The following CLIP1 variants were observed in gnomAD, a reference collection of about 807,000 sequenced individuals.
CLIP1 encodes the protein CAP-Gly domain containing linker protein 1.
CLIP1 carries 66 observed loss-of-function variants against 161.6 expected under a neutral mutation model. That is an observed-to-expected ratio of 0.41 (90% CI 0.33 to 0.50). CLIP1 has a LOEUF of 0.50. Ranked by LOEUF, CLIP1 falls within the 20% of genes least tolerant of loss-of-function variation. The pLI, the probability that CLIP1 is intolerant of heterozygous loss-of-function variation, is 0.27. For missense variants in CLIP1, 1,376 were observed against 1,702.0 expected (o/e 0.81, Z 3.37); for synonymous variants, 598 against 626.2 (o/e 0.96, Z 0.67).
chr12:122,312,421 T>C (rs537783764), intron 19 of CLIP1, among the ~76,000 whole-genome samples: 2 of 152,300 alleles, frequency 1.3e-5, no homozygotes, highest in Non-Finnish European at 2.9e-5. Context: ...TTACAAGTGC[T>C]GGTTTCCAGG....
At position 122,377,662 on chromosome 12, in the gene CLIP1, C is replaced by T; in HGVS notation, c.384G>A (p.Val128=). The T allele has an allele frequency of 6.2e-7, 1 of 1,613,706 alleles. No individual in the cohort carries two copies. Residue 128 remains valine, a synonymous_variant, in exon 3 of 26, where the codon GTG becomes GTA. Coordinates refer to ENST00000620786, the MANE Select transcript of CLIP1 (RefSeq NM_001247997.2). ...GGCCATTAGCTTCATCTTCTGCTTG[C>T]ACCTTCCTTGTTAACTTTGAAGGTC... is the stretch of plus-strand genomic sequence containing the variant. ...FTRPSKLTRK[V]QAEDEANGLQ...
At chr12:122,378,021 A>C in intron 2 of CLIP1, 61 bp from the exon 3 acceptor site, 1 of 1,427,122 alleles carries the variant, frequency 7.0e-7, no homozygotes. Flanking sequence ...CTCTAACTTA[A>C]AGAAAAACTA....
intron 1 of CLIP1, among the ~76,000 whole-genome samples, chr12:122,393,912 C>CAAA (rs71082981): frequency 4.7e-5 from 3 of 63,196 alleles, no homozygotes; most frequent in South Asian, 1.7e-3. Flanking sequence ...ATTCTGTCTC[C>CAAA]AAAAAAAAAA....
intron 1 of CLIP1, among the ~76,000 whole-genome samples, chr12:122,418,937 AAT>A (rs1956845034): frequency 6.6e-6 from 1 of 152,234 alleles, no homozygotes; most frequent in African/African-American, 2.4e-5. Flanking sequence ...CGATTTAGTT[AAT>A]ATATAGACAA....
intron 1 of CLIP1, among the ~76,000 whole-genome samples, chr12:122,383,269 T>G (rs1254077631): frequency 1.3e-5 from 2 of 152,166 alleles, no homozygotes; most frequent in African/African-American, 4.8e-5. Flanking sequence ...AAAATGCTCC[T>G]TAAATTATTT....
At chr12:122,340,116 C>G (rs1246426757) in intron 11 of CLIP1, among the ~76,000 whole-genome samples, 1 of 148,886 alleles carries the variant, frequency 6.7e-6, no homozygotes, top group Non-Finnish European at 1.5e-5. Context: ...CTTGCTCTGT[C>G]TCCCAGGCTG....
At chr12:122,326,103 T>C (rs796838641) in intron 17 of CLIP1, among the ~76,000 whole-genome samples, 4 of 152,318 alleles carry the variant, frequency 2.6e-5, no homozygotes, top group African/African-American at 7.2e-5. Flanking sequence ...CCTGAAAAAA[T>C]ATCTGTAGAT....
rs1181589138 is a variant in CLIP1, at chr12:122,378,412, G to C, written c.86-452C>G. 2.6e-5 allele frequency among the ~76,000 whole-genome samples: 4 copies of C among 152,226 alleles called. No homozygotes were observed. In the South Asian group the frequency reaches 6.2e-4, roughly 24 times the overall value. On this transcript the variant is annotated intron_variant, in intron 2 of 25. Coordinates refer to ENST00000620786, the MANE Select transcript of CLIP1 (RefSeq NM_001247997.2). ...AAAGTGTTTTTGTTTGTTTTGTGCT[G>C]TTTTGTTTTAAACAAGGAAGCCAAG...
chr12:122,288,964 C>A (rs111713377), intron 20 of CLIP1, among the ~76,000 whole-genome samples: 2 of 151,074 alleles, frequency 1.3e-5, no homozygotes, highest in African/African-American at 4.8e-5. Context: ...TACAGGCGCC[C>A]GCCACAACGC....
chr12:122,309,953 T>C (rs1951006834), intron 19 of CLIP1, 71 bp from the exon 20 acceptor site: 6 of 1,563,678 alleles, frequency 3.8e-6, no homozygotes, highest in South Asian at 3.4e-5. Context: ...GACAACCAGC[T>C]TCACAGCACT....
intron 4 of CLIP1, among the ~76,000 whole-genome samples, chr12:122,362,288 T>A (rs1953879307): frequency 6.7e-6 from 1 of 150,170 alleles, no homozygotes; most frequent in East Asian, 2.0e-4. Flanking sequence ...AAAAAAAAAA[T>A]CTACCCAAAC....
rs1224579908 is a variant in CLIP1, at chr12:122,355,085, A to G, written c.1203+30T>C. ...CTCCTCAGTGGCTTTAGAAACCATC[A>G]CCATCTCCGCAACAAGGTCCAGACT... On this transcript the variant is annotated intron_variant, in intron 6 of 25. Coordinates refer to ENST00000620786, the MANE Select transcript of CLIP1 (RefSeq NM_001247997.2). This position sits in a 1 kb window ranked among gnomAD's most constrained non-coding sequence, Gnocchi z 4.1. 1 of 1,604,102 alleles carries G rather than the reference A, an allele frequency of 6.2e-7. No homozygotes were observed. Among genetic ancestry groups the G allele is most frequent in the Non-Finnish European group, 8.5e-7 (1 of 1,172,888 alleles).
intron 1 of CLIP1, among the ~76,000 whole-genome samples, chr12:122,420,293 C>T (rs1956897416): frequency 6.6e-6 from 1 of 150,500 alleles, no homozygotes; most frequent in South Asian, 2.1e-4. Context: ...TGCAGTGAGC[C>T]GAGATCACTC....
Position 122,336,656 on chromosome 12 carries a change from A to C in CLIP1, c.2544T>G (p.Thr848=), listed in dbSNP as rs1232643272. 6.2e-7 allele frequency: 1 copy of C among 1,606,084 alleles called. No homozygotes were observed. Among genetic ancestry groups the C allele is most frequent in the East Asian group, 2.2e-5 (1 of 44,806 alleles). The change falls in exon 12 of 26, where the codon ACT becomes ACG. Residue 848 remains threonine (T), a synonymous_variant. Transcript: ENST00000620786. ...NLSEVSQVKE[T]LEKELQILKE... ...CCAAAATCTGAAGTTCTTTTTCCAA[A>C]GTCTCTTTCACTTGACTGACTTCAC...
In CLIP1 at chr12:122,278,929, C is replaced by T; in HGVS notation, c.3779G>A (p.Arg1260Lys). ...EKLRNEVTVLRGENASAKSLH... is the reference protein window; with the variant it reads ...EKLRNEVTVLKGENASAKSLH... ...GGACTTGGCAGAGGCGTTTTCTCCC[C>T]TGAGCACTGTGACCTGAAACACAGT... The change falls in exon 23 of 26, where the codon AGG (arginine) becomes AAG (lysine). Residue 1260 changes from arginine (R) to lysine (K), a missense_variant. Arg to Lys is a conservative substitution (Grantham distance 26). Transcript: ENST00000620786. 2.5e-6 allele frequency: 4 copies of T among 1,609,578 alleles called. No individual in the cohort carries two copies. Among genetic ancestry groups the T allele is most frequent in the Non-Finnish European group, 3.4e-6 (4 of 1,178,856 alleles).
At chr12:122,386,352 AAAG>A (rs1379564939) in intron 1 of CLIP1, among the ~76,000 whole-genome samples, 2 of 152,128 alleles carry the variant, frequency 1.3e-5, no homozygotes, top group Admixed American at 1.3e-4. Context: ...GCCAAACTAA[AAAG>A]AAGTATAGTC....
intron 5 of CLIP1, among the ~76,000 whole-genome samples, chr12:122,356,625 TCCCTCTCC>T (rs1566164455): frequency 1.3e-5 from 2 of 151,138 alleles, no homozygotes; most frequent in African/African-American, 4.9e-5. Flanking sequence ...TCTCCCTCTC[TCCCTCTCC>T]CTCTCCCCAC....
intron 18 of CLIP1, among the ~76,000 whole-genome samples, chr12:122,317,729 G>A (rs1444492382): frequency 6.6e-6 from 1 of 152,224 alleles, no homozygotes; most frequent in East Asian, 1.9e-4. Context: ...CACCAGTCAG[G>A]AGTCCTAGAA....
chr12:122,393,221 T>C (rs1466644071), intron 1 of CLIP1, among the ~76,000 whole-genome samples: 1 of 151,588 alleles, frequency 6.6e-6, no homozygotes, highest in African/African-American at 2.4e-5. Context: ...TGGAGTACAG[T>C]GGCATCTCGC....
Sources: allele counts gnomAD v4.1 joint callset (sites outside exome capture counted in the v4.1 genomes callset), GRCh38; gene constraint gnomAD v4.1.1; non-coding constraint Gnocchi (gnomAD v3.1); transcripts MANE v1.5; gene names NCBI Gene and HGNC (gene_info 2026-07-23, HGNC 2026-07-21).